Variants in FBN2 observed in about 807,000 individuals in gnomAD.
FBN2 encodes the protein fibrillin 2, also known as fibrillin-2.
Under a neutral mutation model 355.6 loss-of-function variants are expected in FBN2, and 105 were observed. The ratio of observed to expected loss-of-function variants is 0.30; its 90% CI spans 0.25 to 0.35. The LOEUF is 0.35. FBN2 is among the 10% of genes least tolerant of loss of function. The pLI, the probability that FBN2 is intolerant of heterozygous loss-of-function variation, is 1.00. For synonymous variants in FBN2, 1,350 were observed against 1,301.2 expected (o/e 1.04, Z -0.81); for missense variants, 3,280 against 3,758.7 (o/e 0.87, Z 3.33).
chr5:128,373,680 A>C (rs1752006695), intron 15 of FBN2, among the ~76,000 whole-genome samples: 1 of 152,178 alleles, frequency 6.6e-6, no homozygotes, highest in Non-Finnish European at 1.5e-5. Flanking sequence ...AAACTGCATT[A>C]AATGTATTTT....
chr5:128,371,594 C>T (rs1751946958), intron 15 of FBN2, among the ~76,000 whole-genome samples: 1 of 149,548 alleles, frequency 6.7e-6, no homozygotes, highest in African/African-American at 2.5e-5. Context: ...AATGGCGTGG[C>T]ATGATCTTGA....
intron 11 of FBN2, among the ~76,000 whole-genome samples, chr5:128,382,845 T>A (rs1488442949): frequency 6.6e-6 from 1 of 152,126 alleles, no homozygotes; most frequent in Non-Finnish European, 1.5e-5. Flanking sequence ...TAGACTTATA[T>A]AAAAATTTAC....
At chr5:128,326,246 C>T (rs939053588) in intron 34 of FBN2, among the ~76,000 whole-genome samples, 9 of 152,128 alleles carry the variant, frequency 5.9e-5, no homozygotes, top group South Asian at 2.1e-4. Context: ...TAGCTGGTTT[C>T]GGTTTCATTA....
chr5:128,513,994 G>T (rs1756206077), intron 5 of FBN2, among the ~76,000 whole-genome samples: 1 of 151,314 alleles, frequency 6.6e-6, no homozygotes, highest in South Asian at 2.1e-4. Context: ...GTTATAAAAT[G>T]CTCTTCTTAA....
intron 7 of FBN2, among the ~76,000 whole-genome samples, chr5:128,439,351 T>G (rs183096496): frequency 1.3e-5 from 2 of 152,180 alleles, no homozygotes; most frequent in African/African-American, 4.8e-5. Flanking sequence ...TATACTCTTA[T>G]CAGGAATTTG....
At position 128,291,619 on chromosome 5, in the gene FBN2, G is replaced by C; in HGVS notation, c.6202C>G (p.Leu2068Val). 1 of 1,613,598 alleles carries C rather than the reference G, an allele frequency of 6.2e-7. No individual in the cohort carries two copies. Among genetic ancestry groups the C allele is most frequent in the Non-Finnish European group, 8.5e-7 (1 of 1,179,580 alleles). ...GGAGTATTAGTACAGGAACCAAAAAGACAAATGTTGGGATCTTCATCACAT... is the reference window on the plus strand; with the variant it reads ...GGAGTATTAGTACAGGAACCAAAAACACAAATGTTGGGATCTTCATCACAT... ...NECDEDPNIC[L>V]FGSCTNTPGG... The change falls in exon 49 of 65, where the codon CTT becomes GTT. Residue 2068 changes from leucine to valine, a missense_variant. By Grantham distance (32) the Leu-to-Val change is conservative (BLOSUM62 1). Transcript: ENST00000262464.
chr5:128,439,973 A>G (rs1261788342), intron 7 of FBN2, among the ~76,000 whole-genome samples: 1 of 152,192 alleles, frequency 6.6e-6, no homozygotes, highest in Non-Finnish European at 1.5e-5. Flanking sequence ...TATCTGTTTC[A>G]AATAATACCC....
intron 11 of FBN2, 52 bp from the exon 12 acceptor site, chr5:128,378,942 T>G (rs772895204): frequency 1.9e-5 from 30 of 1,609,208 alleles, no homozygotes; most frequent in Non-Finnish European, 2.3e-5. Context: ...TGTAGAAATG[T>G]TTGTTTAAAG....
chr5:128,356,950 G>C (rs1751516921), intron 20 of FBN2, among the ~76,000 whole-genome samples: 1 of 152,188 alleles, frequency 6.6e-6, no homozygotes, highest in South Asian at 2.1e-4. Flanking sequence ...AAAGTATGGA[G>C]TAGAGATTTG....
At chr5:128,452,842 A>G (rs901890124) in intron 6 of FBN2, among the ~76,000 whole-genome samples, 2 of 152,208 alleles carry the variant, frequency 1.3e-5, no homozygotes, top group African/African-American at 4.8e-5. Context: ...GTGAAAACTC[A>G]GTAGGTACTC....
intron 20 of FBN2, among the ~76,000 whole-genome samples, chr5:128,356,411 T>C (rs919448743): frequency 1.3e-5 from 2 of 152,256 alleles, no homozygotes; most frequent in African/African-American, 4.8e-5. Context: ...TCGACAAATA[T>C]GAAACTAAAG....
intron 5 of FBN2, among the ~76,000 whole-genome samples, chr5:128,480,564 G>C (rs1337631640): frequency 6.6e-6 from 1 of 152,102 alleles, no homozygotes; most frequent in African/African-American, 2.4e-5. Flanking sequence ...ACAAAAATTA[G>C]CTGGGCATGA....
intron 33 of FBN2, 122 bp downstream of exon 33, chr5:128,330,446 GCAAGT>G: frequency 1.1e-6 from 1 of 915,720 alleles, no homozygotes; most frequent in Non-Finnish European, 1.7e-6. Flanking sequence ...ATAGTCACCT[GCAAGT>G]CAAGTATAAA....
chr5:128,536,743 C>CA (rs1756857645), intron 1 of FBN2, among the ~76,000 whole-genome samples: 1 of 152,148 alleles, frequency 6.6e-6, no homozygotes, highest in Non-Finnish European at 1.5e-5. Context: ...CGAAAAGAGG[C>CA]ATGGAAACAT....
At chr5:128,346,322 C>T (rs1751181735) in intron 23 of FBN2, among the ~76,000 whole-genome samples, 1 of 152,160 alleles carries the variant, frequency 6.6e-6, no homozygotes, top group Admixed American at 6.5e-5. Context: ...GATTTATTTT[C>T]AAATCATACT....
chr5:128,377,711 C>T (rs1243582465), intron 13 of FBN2, 41 bp downstream of exon 13: 2 of 1,604,450 alleles, frequency 1.2e-6, no homozygotes, highest in Non-Finnish European at 1.7e-6. Flanking sequence ...AAATGTATAT[C>T]CTTTTAAAAT....
At chr5:128,371,641 C>T (rs1751947894) in intron 15 of FBN2, among the ~76,000 whole-genome samples, 1 of 151,990 alleles carries the variant, frequency 6.6e-6, no homozygotes, top group South Asian at 2.1e-4. Flanking sequence ...TCAAGTGATT[C>T]TCCTGCCTCA....
chr5:128,312,620 A>G lies in FBN2; in HGVS notation c.4879+14T>C. The G allele has an allele frequency of 1.2e-6, 2 of 1,613,826 alleles. No individual in the cohort carries two copies. The highest frequency in any genetic ancestry group is 1.7e-6 in the Non-Finnish European group (2 of 1,179,898). ...CCAGTTGGTTTTCTTCCTCTTCTTC[A>G]GCTTTGTACTTACTGCTATTGACAG... On this transcript the variant is annotated intron_variant, in intron 37 of 64. Coordinates refer to ENST00000262464, the MANE Select transcript of FBN2 (RefSeq NM_001999.4).
At chr5:128,382,718 C>T (rs1242995448) in intron 11 of FBN2, among the ~76,000 whole-genome samples, 1 of 152,098 alleles carries the variant, frequency 6.6e-6, no homozygotes, top group Non-Finnish European at 1.5e-5. Flanking sequence ...TAGTTTTCTA[C>T]TCTTTGACTC....
Sources: gnomAD v4.1 joint callset for allele counts (sites outside exome capture counted in the v4.1 genomes callset) on GRCh38, gnomAD v4.1.1 for gene constraint, MANE v1.5 for transcripts, NCBI Gene and HGNC (gene_info 2026-07-23, HGNC 2026-07-21) for gene names.